The following ADCY1 variants were observed in gnomAD, a reference collection of about 807,000 sequenced individuals.
ADCY1 encodes adenylate cyclase type 1.
In ADCY1, 28 loss-of-function variants were observed where a neutral mutation model predicts 105.4. That is an observed-to-expected ratio of 0.27 (90% confidence interval 0.20 to 0.36). The LOEUF (loss-of-function observed/expected upper bound fraction) is 0.36, where lower values mean the gene tolerates loss of function less well. Ranked by LOEUF, ADCY1 falls within the 10% of genes least tolerant of loss-of-function variation. ADCY1 has a pLI of 1.00. For missense variants in ADCY1, 977 were observed against 1,434.2 expected (o/e 0.68, Z 5.15); for synonymous variants, 655 against 623.8 (o/e 1.05, Z -0.75).
intron 11 of ADCY1, among the ~76,000 whole-genome samples, chr7:45,683,040 A>G (rs968005911): frequency 2.6e-5 from 4 of 152,134 alleles, no homozygotes; most frequent in African/African-American, 9.7e-5. Flanking sequence ...AAGTGCCACA[A>G]TGGCCACTTT....
intron 4 of ADCY1, among the ~76,000 whole-genome samples, chr7:45,631,913 T>G (rs1340633484): frequency 1.3e-5 from 2 of 152,200 alleles, no homozygotes; most frequent in Non-Finnish European, 2.9e-5. Context: ...TTCTCCTGTG[T>G]TTTCTTCTAG....
rs1785325985 is a variant in ADCY1 at position 45,714,421 on chromosome 7, C to A, written c.*426C>A. 5.7e-6 allele frequency: 1 copy of A among 175,116 alleles called. No individual in the cohort carries two copies. Among genetic ancestry groups the A allele is most frequent in the Admixed American group, 5.7e-5 (1 of 17,542 alleles). The allele number at this position is 175,116 out of a possible 1,614,324, so 10.8% of individuals were successfully genotyped here. A position where few individuals can be genotyped will look rare whatever the true frequency, so the allele number is the denominator to read the frequency against. ...GAGGAGCTCTGCGAGAGTGTGCCCT[C>A]TGAGACAGCCCTGTCCGCCCCGCCC... On this transcript the variant is annotated 3_prime_UTR_variant, in exon 20 of 20. Coordinates refer to ENST00000297323, the MANE Select transcript of ADCY1 (RefSeq NM_021116.4).
chr7:45,615,642 T>A (rs1463294622), intron 3 of ADCY1, among the ~76,000 whole-genome samples: 2 of 151,874 alleles, frequency 1.3e-5, no homozygotes, highest in Non-Finnish European at 2.9e-5. Context: ...TGAAAATACC[T>A]TCAGACAAAG....
intron 3 of ADCY1, among the ~76,000 whole-genome samples, chr7:45,618,854 A>G (rs1793812587): frequency 6.6e-6 from 1 of 152,224 alleles, no homozygotes; most frequent in Non-Finnish European, 1.5e-5. Context: ...CAGCAATCCC[A>G]GTACTGGGTA....
In ADCY1 at chr7:45,578,301, A is replaced by AG. The variant is rs565184011; in HGVS notation, c.639+3124dup. On this transcript the variant is annotated intron_variant, in intron 1 of 19. Transcript: ENST00000297323. ...CTTGTTCCTACCTGGGCCGGCACTG[A>AG]GGGGGAGGTATCCATAAATATGTGC... is the stretch of plus-strand genomic sequence containing the variant. Among the ~76,000 whole-genome samples the AG allele has an allele frequency of 2.2e-3, 328 of 152,234 alleles. 1 individual carries two copies. The highest frequency in any genetic ancestry group is 7.5e-3 in the African/African-American group (312 of 41,526).
At chr7:45,599,015 C>T (rs1584259004) in intron 2 of ADCY1, among the ~76,000 whole-genome samples, 1 of 152,318 alleles carries the variant, frequency 6.6e-6, no homozygotes, top group Middle Eastern at 3.4e-3. Flanking sequence ...CTGTTTCATG[C>T]ACCAGGTTCT....
chr7:45,697,273 C>T (rs190957907), intron 14 of ADCY1, among the ~76,000 whole-genome samples: 89 of 152,200 alleles, frequency 5.8e-4, no homozygotes, highest in African/African-American at 2.0e-3. Context: ...GGTTTCTCTC[C>T]GTGTACAGTG....
intron 14 of ADCY1, among the ~76,000 whole-genome samples, chr7:45,694,761 T>A (rs1201250813): frequency 6.6e-6 from 1 of 152,234 alleles, no homozygotes; most frequent in Non-Finnish European, 1.5e-5. Flanking sequence ...CAGACTAATT[T>A]TGTCCGCTCC....
intron 3 of ADCY1, among the ~76,000 whole-genome samples, chr7:45,610,937 TGAG>T (rs1584268742): frequency 2.1e-5 from 3 of 140,280 alleles, no homozygotes; most frequent in East Asian, 2.2e-4. Context: ...ATTTTGGAGG[TGAG>T]GAGGTGATAG....
chr7:45,587,036 C>T (rs1792750080), intron 1 of ADCY1, among the ~76,000 whole-genome samples: 1 of 152,230 alleles, frequency 6.6e-6, no homozygotes, highest in South Asian at 2.1e-4. Context: ...GGCTGAGAGA[C>T]TGTGCTGGGG....
chr7:45,676,191 G>A (rs1179847101), intron 8 of ADCY1, among the ~76,000 whole-genome samples: 1 of 151,700 alleles, frequency 6.6e-6, no homozygotes, highest in Non-Finnish European at 1.5e-5. Flanking sequence ...TTTGATTATT[G>A]TATTTTTCAG....
intron 12 of ADCY1, among the ~76,000 whole-genome samples, chr7:45,685,523 C>T (rs1050402010): frequency 8.1e-5 from 12 of 148,844 alleles, no homozygotes; most frequent in African/African-American, 2.8e-4. Flanking sequence ...ACAGGAAGGA[C>T]AGAGCTGGGG....
intron 8 of ADCY1, among the ~76,000 whole-genome samples, chr7:45,674,245 T>C (rs921332650): frequency 3.9e-5 from 6 of 152,126 alleles, no homozygotes; most frequent in Non-Finnish European, 8.8e-5. Context: ...TATTCTGCCA[T>C]TGTTGCATGG....
intron 8 of ADCY1, among the ~76,000 whole-genome samples, chr7:45,671,877 A>G (rs962004396): frequency 2.6e-5 from 4 of 152,056 alleles, no homozygotes; most frequent in Non-Finnish European, 5.9e-5. Context: ...CTCCCAGTCC[A>G]TAGCTTGTCT....
intron 5 of ADCY1, among the ~76,000 whole-genome samples, chr7:45,653,577 C>T (rs1794865282): frequency 6.6e-6 from 1 of 152,220 alleles, no homozygotes; most frequent in South Asian, 2.1e-4. Context: ...TCATGTGTGA[C>T]ACTCTTGGGG....
At chr7:45,599,257 G>A (rs1793156237) in intron 2 of ADCY1, among the ~76,000 whole-genome samples, 1 of 152,026 alleles carries the variant, frequency 6.6e-6, no homozygotes, top group African/African-American at 2.4e-5. Context: ...TCTCTTCTGA[G>A]GACCGTCAAA....
Position 45,719,555 on chromosome 7 carries a change from A to C in ADCY1, c.*5560A>C, listed in dbSNP as rs1310204198. The C allele has an allele frequency of 6.6e-6, 1 of 152,212 alleles. No homozygotes were observed. Among genetic ancestry groups the C allele is most frequent in the Non-Finnish European group, 1.5e-5 (1 of 68,040 alleles). The allele number at this position is 152,212 out of a possible 1,614,324, so 9.4% of individuals were successfully genotyped here. On this transcript the variant is annotated 3_prime_UTR_variant, in exon 20 of 20. Transcript: ENST00000297323. ...CTGAAAATTTAATCTATTCTGTTCC[A>C]TATGAAGTCTGTTTCACTACCTTAA...
intron 5 of ADCY1, among the ~76,000 whole-genome samples, chr7:45,651,774 G>A (rs149328722): frequency 1.7e-3 from 257 of 152,262 alleles, no homozygotes; most frequent in Non-Finnish European, 2.4e-3. Context: ...TAGAGTCCTC[G>A]GTGGCAGGCT....
At chr7:45,585,617 T>A (rs1792700338) in intron 1 of ADCY1, among the ~76,000 whole-genome samples, 1 of 151,878 alleles carries the variant, frequency 6.6e-6, no homozygotes, top group Non-Finnish European at 1.5e-5. Context: ...CCCGGCTAAT[T>A]TTGTATTTTT....
Sources: allele counts gnomAD v4.1 joint callset (sites outside exome capture counted in the v4.1 genomes callset), GRCh38; gene constraint gnomAD v4.1.1; transcripts MANE v1.5; gene names NCBI Gene and HGNC (gene_info 2026-07-23, HGNC 2026-07-21).